The following CLEC2A variants were observed in gnomAD, a reference collection of about 807,000 sequenced individuals.
CLEC2A encodes the protein C-type lectin domain family 2 member A.
In CLEC2A, 19 loss-of-function variants were observed where a neutral mutation model predicts 18.6. The ratio of observed to expected loss-of-function variants is 1.02; its 90% CI spans 0.71 to 1.50. CLEC2A has a LOEUF of 1.50. Ranked by LOEUF, CLEC2A falls within the 40% of genes most tolerant of loss-of-function variation. The pLI is 0.00. For missense variants in CLEC2A, 190 were observed against 207.9 expected (o/e 0.91, Z 0.53); for synonymous variants, 74 against 64.0 (o/e 1.16, Z -0.75).
downstream of CLEC2A, among the ~76,000 whole-genome samples, chr12:9,896,572 CAAATATA>C (rs1389378087): frequency 6.6e-6 from 1 of 151,806 alleles, no homozygotes; most frequent in African/African-American, 2.4e-5. Flanking sequence ...TTTTCCTATC[CAAATATA>C]AAATTTTAAT....
chr12:9,929,449 C>T (rs1863336903), intron 1 of CLEC2A, among the ~76,000 whole-genome samples: 1 of 151,990 alleles, frequency 6.6e-6, no homozygotes, highest in South Asian at 2.1e-4. Flanking sequence ...TTTTCTATTC[C>T]TAGTTTCTTA....
At chr12:9,885,196 T>G in the CLEC2A span, among the ~76,000 whole-genome samples, 1 of 151,788 alleles carries the variant, frequency 6.6e-6, no homozygotes, top group Non-Finnish European at 1.5e-5. Flanking sequence ...AATGCAAGCT[T>G]GGTATTTATT....
At chr12:9,894,859 A>T (rs1862739120), downstream of CLEC2A, among the ~76,000 whole-genome samples, 3 of 152,026 alleles carry the variant, frequency 2.0e-5, no homozygotes, top group South Asian at 6.2e-4. Flanking sequence ...TATTATAATT[A>T]ATATTATTTT....
At position 9,913,250 on chromosome 12, in the gene CLEC2A, T is replaced by C. The variant is rs779850057; in HGVS notation, c.*316A>G. Reference sequence around the variant, plus strand: ...TGCTATGTTCTGAGTATTTGGGTCCTCCCAAAACTCATAAATTGAAAGCTA... The same window carrying C: ...TGCTATGTTCTGAGTATTTGGGTCCCCCCAAAACTCATAAATTGAAAGCTA... On this transcript the variant is annotated 3_prime_UTR_variant, in exon 5 of 5. Transcript: ENST00000455827. 2 of 307,110 alleles carry C rather than the reference T, an allele frequency of 6.5e-6. No homozygotes were observed. Among genetic ancestry groups the C allele is most frequent in the Non-Finnish European group, 1.0e-5 (2 of 190,788 alleles). 19.0% of individuals were successfully genotyped at this position (307,110 alleles called of 1,614,324 possible).
At chr12:9,887,495 T>G in the CLEC2A span, among the ~76,000 whole-genome samples, 1 of 152,150 alleles carries the variant, frequency 6.6e-6, no homozygotes, top group East Asian at 1.9e-4. Context: ...AGTAATCAAG[T>G]AAATATTTTT....
At chr12:9,927,965 A>T (rs186542541) in intron 1 of CLEC2A, among the ~76,000 whole-genome samples, 1 of 152,310 alleles carries the variant, frequency 6.6e-6, no homozygotes, top group East Asian at 1.9e-4. Flanking sequence ...GTATTGAAAC[A>T]ATTGAGAAAA....
At chr12:9,893,895 G>A (rs1483783551), downstream of CLEC2A, among the ~76,000 whole-genome samples, 1 of 152,066 alleles carries the variant, frequency 6.6e-6, no homozygotes, top group Non-Finnish European at 1.5e-5. Flanking sequence ...TAAAAGCAAA[G>A]ACAAAATTCA....
At chr12:9,910,143 G>T (rs915035307), downstream of CLEC2A, among the ~76,000 whole-genome samples, 4 of 152,128 alleles carry the variant, frequency 2.6e-5, no homozygotes, top group Non-Finnish European at 5.9e-5. Flanking sequence ...AAAATTGAGG[G>T]TTTGAGGATT....
chr12:9,895,803 C>A, downstream of CLEC2A: 1 of 1,535,244 alleles, frequency 6.5e-7, no homozygotes, highest in Non-Finnish European at 8.7e-7. Flanking sequence ...GAGATGCGAT[C>A]TTGACGCACA....
chr12:9,895,375 C>A (rs140226676), downstream of CLEC2A, among the ~76,000 whole-genome samples: 2 of 152,212 alleles, frequency 1.3e-5, no homozygotes, highest in African/African-American at 4.8e-5. Flanking sequence ...AATTGAGAAG[C>A]TGGGAGAAGT....
the CLEC2A span, chr12:9,888,607 A>G: frequency 1.8e-6 from 1 of 559,066 alleles, no homozygotes; most frequent in South Asian, 2.6e-5. Flanking sequence ...GTGGATGCAT[A>G]GGAGAAGAGA....
At chr12:9,931,359 A>C (rs1337114569) in intron 1 of CLEC2A, among the ~76,000 whole-genome samples, 1 of 152,220 alleles carries the variant, frequency 6.6e-6, no homozygotes, top group Non-Finnish European at 1.5e-5. Context: ...AATAGTTAGA[A>C]TATACAACGA....
downstream of CLEC2A, among the ~76,000 whole-genome samples, chr12:9,910,826 C>T (rs149002098): frequency 6.6e-5 from 10 of 152,168 alleles, no homozygotes; most frequent in South Asian, 2.1e-4. Context: ...GCCAACGCAA[C>T]GAGAGAGTGT....
intron 4 of CLEC2A, among the ~76,000 whole-genome samples, chr12:9,907,266 GGCAGTTATAA>G (rs2137023208): frequency 6.6e-6 from 1 of 152,184 alleles, no homozygotes; most frequent in East Asian, 1.9e-4. Context: ...CTAGAACAGG[GGCAGTTATAA>G]GCATATGTTT....
chr12:9,927,265 A>G (rs960838130), intron 1 of CLEC2A, among the ~76,000 whole-genome samples: 1 of 152,200 alleles, frequency 6.6e-6, no homozygotes, highest in Non-Finnish European at 1.5e-5. Flanking sequence ...ATTATAACAC[A>G]ATGCTAAATG....
At chr12:9,919,334 A>G (rs1217307199) in intron 3 of CLEC2A, among the ~76,000 whole-genome samples, 1 of 152,196 alleles carries the variant, frequency 6.6e-6, no homozygotes, top group Non-Finnish European at 1.5e-5. Flanking sequence ...TCAGCCCAGG[A>G]TGGAGGGTCT....
At chr12:9,916,848 GC>G in intron 3 of CLEC2A, 45 bp from the exon 4 acceptor site, 2 of 1,142,454 alleles carry the variant, frequency 1.8e-6, no homozygotes, top group Non-Finnish European at 2.6e-6. Context: ...ATATGTTACA[GC>G]ACATTGCTGA....
downstream of CLEC2A, among the ~76,000 whole-genome samples, chr12:9,894,164 CTTCTTTGTTTCT>C (rs1862726477): frequency 8.0e-6 from 1 of 124,892 alleles, no homozygotes; most frequent in Non-Finnish European, 1.7e-5. Flanking sequence ...CCCTCCCTTC[CTTCTTTGTTTCT>C]TTCTTTCTTT....
intron 4 of CLEC2A, among the ~76,000 whole-genome samples, chr12:9,914,292 G>A (rs1863033862): frequency 6.6e-6 from 1 of 151,938 alleles, no homozygotes; most frequent in African/African-American, 2.4e-5. Flanking sequence ...ATTGCCCAAA[G>A]TAATTTAAAG....
Sources: gnomAD v4.1 joint callset for allele counts (sites outside exome capture counted in the v4.1 genomes callset) on GRCh38, gnomAD v4.1.1 for gene constraint, MANE v1.5 for transcripts, NCBI Gene and HGNC (gene_info 2026-07-23, HGNC 2026-07-21) for gene names.